Variants in SCAF11 observed in about 807,000 individuals in gnomAD.
The protein encoded by SCAF11 is SR-related CTD associated factor 11.
Under a neutral mutation model 140.5 loss-of-function variants are expected in SCAF11, and 47 were observed. The observed-to-expected ratio is 0.33, with a 90% confidence interval of 0.26 to 0.43. SCAF11 has a LOEUF of 0.43. SCAF11 is among the 20% of genes least tolerant of loss of function. The pLI is 1.00. For missense variants in SCAF11, 1,645 were observed against 1,705.1 expected (o/e 0.96, Z 0.62); for synonymous variants, 557 against 579.4 (o/e 0.96, Z 0.55).
intron 6 of SCAF11, chr12:45,935,142 C>T (rs904895435): frequency 1.3e-5 from 2 of 152,226 alleles, no homozygotes; most frequent in Non-Finnish European, 2.9e-5. Context: ...AATTTTCCCC[C>T]TTGCTTGCCT....
chr12:45,972,989 TATAG>T (rs1275575338), intron 1 of SCAF11, among the ~76,000 whole-genome samples: 1 of 141,472 alleles, frequency 7.1e-6, no homozygotes, highest in African/African-American at 2.7e-5. Flanking sequence ...GATATATAGA[TATAG>T]ATATATAGAT....
rs1946574661 is a variant in SCAF11 at position 45,990,541 on chromosome 12, G to C, written c.-210C>G. On this transcript the variant is annotated 5_prime_UTR_variant, in exon 1 of 15. Transcript: ENST00000369367. ...GGCGAAGCAGGGAGCGACCCAGGTT[G>C]CGCTGCTCCGCGCGGCTTAAGCCAC... The C allele has an allele frequency of 1.6e-6, 2 of 1,231,794 alleles. No individual in the cohort carries two copies. The highest frequency in any genetic ancestry group is 1.0e-6 in the Non-Finnish European group (1 of 988,218). The allele number at this position is 1,231,794 out of a possible 1,614,324, so 76.3% of individuals were successfully genotyped here.
At chr12:45,957,813 A>G (rs916742455) in intron 3 of SCAF11, among the ~76,000 whole-genome samples, 1 of 152,202 alleles carries the variant, frequency 6.6e-6, no homozygotes, top group Admixed American at 6.5e-5. Context: ...TGCTTTAAAC[A>G]TGTGTCTTCA....
chr12:45,948,469 G>A lies in SCAF11; in HGVS notation c.366C>T (p.Val122=). 2 of 1,611,302 alleles carry A rather than the reference G, an allele frequency of 1.2e-6. No homozygotes were observed. Among genetic ancestry groups the A allele is most frequent in the Non-Finnish European group, 1.7e-6 (2 of 1,178,784 alleles). Reference sequence around the variant, plus strand: ...AGCTTTTAGAATTTTCATGACAGGAGACCTGTTTCTCAAATGAGTTTTCAT... The same window carrying A: ...AGCTTTTAGAATTTTCATGACAGGAAACCTGTTTCTCAAATGAGTTTTCAT... ...KKNENSFEKQ[V]SCHENSKSCI... Residue 122 remains valine, a synonymous_variant, in exon 5 of 15, where the codon GTC becomes GTT. Coordinates refer to ENST00000369367, the MANE Select transcript of SCAF11 (RefSeq NM_004719.3).
Position 45,922,076 on chromosome 12 carries a change from G to T in SCAF11, c.4364C>A (p.Pro1455His), listed in dbSNP as rs1944727609. 6.2e-7 allele frequency: 1 copy of T among 1,613,120 alleles called. No individual in the cohort carries two copies. The highest frequency in any genetic ancestry group is 1.1e-5 in the South Asian group (1 of 90,886). The change falls in exon 15 of 15, where the codon CCT becomes CAT. Residue 1455 changes from proline (P) to histidine (H), a missense_variant. By Grantham distance (77) the Pro-to-His change is moderately conservative. This residue lies in a region of SCAF11 where 63 missense variants were observed against 95.9 expected (regional missense o/e 0.66). Transcript: ENST00000369367. ...KGSQKKTLEE[P>H]VSTEKNIG ...GCCTATGTTTTTTTCAGTAGACACA[G>T]GTTCTTCCAGAGTTTTCTTTTGGCT...
Position 45,928,163 on chromosome 12 carries a change from T to G in SCAF11, c.1538A>C (p.Glu513Ala). Residue 513 changes from glutamate (E) to alanine (A), a missense_variant, in exon 11 of 15, where the codon GAA becomes GCA. By Grantham distance (107) the Glu-to-Ala change is moderately radical. Around this residue, in one of 2 missense-constraint regions of SCAF11, gnomAD observed 1,582 missense variants for 1,609.2 expected, o/e 0.98. Transcript: ENST00000369367. ...ATCACCTCCTTTTTCAAGAATATTT[T>G]CAGAAATCTCACTTTCCAAACACAA... ...NVLCLESEIS[E>A]NILEKGGDPL... 1.9e-6 allele frequency: 3 copies of G among 1,613,982 alleles called. No homozygotes were observed. Among genetic ancestry groups the G allele is most frequent in the Non-Finnish European group, 2.5e-6 (3 of 1,179,992 alleles).
chr12:45,927,254 G>A lies in SCAF11; in HGVS notation c.2447C>T (p.Ser816Phe), dbSNP rs1324623536. The A allele has an allele frequency of 6.2e-7, 1 of 1,613,994 alleles. No individual in the cohort carries two copies. Among genetic ancestry groups the A allele is most frequent in the Admixed American group, 1.7e-5 (1 of 59,974 alleles). Reference protein sequence around the residue: ...DTPQEKKRPQSPSPRRETGKE... With the variant: ...DTPQEKKRPQFPSPRRETGKE... ...CCCAGTTTCTCTTCTGGGAGATGGA[G>A]ACTGGGGCCGCTTCTTTTCTTGTGG... The change falls in exon 11 of 15, where the codon TCT (serine) becomes TTT (phenylalanine). Residue 816 changes from serine to phenylalanine, a missense_variant. Coordinates refer to ENST00000369367, the MANE Select transcript of SCAF11 (RefSeq NM_004719.3).
At position 45,979,614 on chromosome 12, in the gene SCAF11, C is replaced by T. The variant is rs1592225355; in HGVS notation, c.-22+10739G>A. ...TTGGTACAAGTAGTTATTATAAAAC[C>T]AAGACAGAAAAAAGCAATTATCTTG... is the stretch of plus-strand genomic sequence containing the variant. On this transcript the variant is annotated intron_variant, in intron 1 of 14. Transcript: ENST00000369367. 2.6e-5 allele frequency among the ~76,000 whole-genome samples: 4 copies of T among 152,098 alleles called. 1 individual carries two copies. Among genetic ancestry groups the T allele is most frequent in the Admixed American group, 2.6e-4 (4 of 15,286 alleles).
chr12:45,990,700 G>A, upstream of SCAF11: 1 of 748,636 alleles, frequency 1.3e-6, no homozygotes, highest in Non-Finnish European at 1.8e-6. Flanking sequence ...GCCACATTCT[G>A]CTTACTCGCT....
At chr12:45,948,288 A>G (rs920220618) in intron 5 of SCAF11, 149 bp downstream of exon 5, 1 of 565,100 alleles carries the variant, frequency 1.8e-6, no homozygotes, top group Admixed American at 3.3e-5. Context: ...CTCAGATTTC[A>G]GCTAGTCCCT....
upstream of SCAF11, chr12:45,991,757 GCTTC>G (rs1946616872): frequency 1.8e-6 from 1 of 549,280 alleles, no homozygotes; most frequent in African/African-American, 2.0e-5. Context: ...ACTGCAGCAA[GCTTC>G]CGGTTGCTCT....
rs1221823369 is a variant in SCAF11 at position 45,919,640 on chromosome 12, T to C, written c.*2408A>G. On this transcript the variant is annotated 3_prime_UTR_variant, in exon 15 of 15. Coordinates refer to ENST00000369367, the MANE Select transcript of SCAF11 (RefSeq NM_004719.3). ...TATTTTTTCAACATAAAGCATGCAT[T>C]TTCTAATACATTCTTAAACATTTCA... 1.3e-5 allele frequency: 2 copies of C among 152,234 alleles called. No individual in the cohort carries two copies. The highest frequency in any genetic ancestry group is 2.9e-5 in the Non-Finnish European group (2 of 68,036). 9.4% of individuals were successfully genotyped at this position (152,234 alleles called of 1,614,324 possible).
chr12:45,985,552 G>A (rs1946443126), intron 1 of SCAF11, among the ~76,000 whole-genome samples: 1 of 152,098 alleles, frequency 6.6e-6, no homozygotes, highest in Admixed American at 6.6e-5. Flanking sequence ...CAACTTCTCT[G>A]ACACTTAACA....
intron 1 of SCAF11, among the ~76,000 whole-genome samples, chr12:45,982,010 T>A (rs1946361002): frequency 6.6e-6 from 1 of 152,186 alleles, no homozygotes; most frequent in African/African-American, 2.4e-5. Context: ...CAAACAATAA[T>A]AAACGATGGT....
chr12:45,940,282 C>T (rs760152254), intron 6 of SCAF11, among the ~76,000 whole-genome samples: 3 of 152,172 alleles, frequency 2.0e-5, no homozygotes, highest in African/African-American at 2.4e-5. Context: ...GGGGAGCAGA[C>T]ATTCTGCTAT....
At chr12:45,931,775 T>C (rs1945050257) in intron 9 of SCAF11, among the ~76,000 whole-genome samples, 163 bp from the exon 10 acceptor site, 1 of 152,180 alleles carries the variant, frequency 6.6e-6, no homozygotes, top group African/African-American at 2.4e-5. Flanking sequence ...ACTCCTTGTC[T>C]AAAGATAGCT....
Position 45,926,664 on chromosome 12 carries a change from CAGA to C in SCAF11, c.3034_3036del (p.Ser1012del), listed in dbSNP as rs769258234. The C allele has an allele frequency of 2.5e-6, 4 of 1,613,770 alleles. No individual in the cohort carries two copies. The African/African-American group carries it at 5.3e-5, about 22-fold the overall frequency. ...GGACAGTCATTTCTATGTTTGTCAG[CAGA>C]ATTTGGATCATCAGCATCTAGATGG... is the stretch of plus-strand genomic sequence containing the variant. On this transcript the variant is annotated inframe_deletion, in exon 11 of 15. Coordinates refer to ENST00000369367, the MANE Select transcript of SCAF11 (RefSeq NM_004719.3).
intron 12 of SCAF11, 141 bp from the exon 13 acceptor site, chr12:45,923,295 A>G: frequency 3.0e-6 from 2 of 658,122 alleles, no homozygotes; most frequent in Non-Finnish European, 5.1e-6. Context: ...AGGTAATTAT[A>G]TCTAAAGGGC....
intron 9 of SCAF11, among the ~76,000 whole-genome samples, chr12:45,932,618 G>C (rs537192569): frequency 8.5e-5 from 13 of 152,188 alleles, no homozygotes; most frequent in Non-Finnish European, 1.8e-4. Flanking sequence ...TTAGGAGCTT[G>C]ATTTAAGTAT....
Sources: allele counts gnomAD v4.1 joint callset (sites outside exome capture counted in the v4.1 genomes callset), GRCh38; gene constraint gnomAD v4.1.1; regional missense constraint gnomAD v4.1.1; transcripts MANE v1.5; gene names NCBI Gene and HGNC (gene_info 2026-07-23, HGNC 2026-07-21).